GHR: variants seen among roughly 807,000 people sequenced by gnomAD.
GHR encodes growth hormone receptor.
Under a neutral mutation model 67.1 loss-of-function variants are expected in GHR, and 35 were observed. The observed-to-expected ratio is 0.52, with a 90% CI of 0.40 to 0.69. GHR has a LOEUF of 0.69. Among genes scored for constraint, GHR ranks in the 30% least tolerant of loss-of-function variants. The pLI, the probability that GHR is intolerant of heterozygous loss-of-function variation, is 0.00. For synonymous variants in GHR, 272 were observed against 269.1 expected (o/e 1.01, Z -0.10); for missense variants, 792 against 764.6 (o/e 1.04, Z -0.42).
In GHR at chr5:42,590,657, TAA is replaced by T. The variant is rs138105437; in HGVS notation, c.70+24715_70+24716del. On this transcript the variant is annotated intron_variant, in intron 2 of 9. Coordinates refer to ENST00000230882, the MANE Select transcript of GHR (RefSeq NM_000163.5). ...AACCAGTTATCCAGTTTTTGCCACT[TAA>T]ACTCTGCTGTGAGAAATGTGACTGT... 3.4e-3 allele frequency among the ~76,000 whole-genome samples: 524 copies of T among 152,344 alleles called. 4 individuals carry two copies. Among genetic ancestry groups the T allele is most frequent in the African/African-American group, 0.012 (513 of 41,586 alleles).
chr5:42,707,995 T>C (rs1173697021), intron 6 of GHR, among the ~76,000 whole-genome samples: 1 of 152,132 alleles, frequency 6.6e-6, no homozygotes, highest in Non-Finnish European at 1.5e-5. Context: ...AGTTTTATAC[T>C]TTCATATGTT....
rs1491515652 is a variant in GHR at position 42,718,331 on chromosome 5, TTA to T, written c.946-118_946-117del. 67 of 808,620 alleles carry T rather than the reference TTA, an allele frequency of 8.3e-5. No individual in the cohort carries two copies. In the Admixed American group the frequency reaches 1.0e-3, roughly 12 times the overall value. 50.1% of individuals were successfully genotyped at this position (808,620 alleles called of 1,614,324 possible). A position where few individuals can be genotyped will look rare whatever the true frequency, so the allele number is the denominator to read the frequency against. On this transcript the variant is annotated intron_variant, in intron 9 of 9. Coordinates refer to ENST00000230882, the MANE Select transcript of GHR (RefSeq NM_000163.5). ...AAGTTACACACTAATTTATGTTTTT[TTA>T]TATGTTTTGTTACTGTTGTTCTTAT...
At chr5:42,671,684 C>T (rs1365006735) in intron 3 of GHR, among the ~76,000 whole-genome samples, 2 of 149,778 alleles carry the variant, frequency 1.3e-5, no homozygotes, top group African/African-American at 2.4e-5. Flanking sequence ...CGGCCGGGCG[C>T]GGTGGCTCAC....
intron 1 of GHR, among the ~76,000 whole-genome samples, chr5:42,523,936 TA>T: frequency 6.6e-6 from 1 of 152,266 alleles, no homozygotes; most frequent in East Asian, 1.9e-4. Flanking sequence ...CACCACCATG[TA>T]AAAAGGGCCT....
Position 42,719,437 on chromosome 5 carries a change from T to G in GHR, c.*13T>G, listed in dbSNP as rs751855926. 2.5e-6 allele frequency: 4 copies of G among 1,609,318 alleles called. No homozygotes were observed. The East Asian group carries it at 6.7e-5, about 27-fold the overall frequency. On this transcript the variant is annotated 3_prime_UTR_variant, in exon 10 of 10. Transcript: ENST00000230882. The stretch of plus-strand genomic sequence containing the variant: ...AATCATGCCTTAGCCTTTCTTTGGT[T>G]TCCCAAGAGCTACGTATTTAATAGC...
chr5:42,451,742 TTCC>T, intron 1 of GHR, among the ~76,000 whole-genome samples: 1 of 152,090 alleles, frequency 6.6e-6, no homozygotes, highest in Admixed American at 6.6e-5. Context: ...CACTTTTAGT[TTCC>T]ATTTGTGTGA....
chr5:42,486,433 A>G lies in GHR; in HGVS notation c.-12+62478A>G, dbSNP rs576132446. Among the ~76,000 whole-genome samples the G allele has an allele frequency of 2.6e-5, 4 of 152,354 alleles. No individual in the cohort carries two copies. The South Asian group carries it at 6.2e-4, about 24-fold the overall frequency. On this transcript the variant is annotated intron_variant, in intron 1 of 9. Transcript: ENST00000230882. ...TTCTCAGTTGTACTATTTAAGATACATCTAATGATTGTAAGCAAAATTATT... is the reference window on the plus strand; with the variant it reads ...TTCTCAGTTGTACTATTTAAGATACGTCTAATGATTGTAAGCAAAATTATT...
chr5:42,617,209 A>G (rs1031099133), intron 2 of GHR, among the ~76,000 whole-genome samples: 8 of 151,770 alleles, frequency 5.3e-5, no homozygotes, highest in African/African-American at 1.9e-4. Flanking sequence ...TCTGGCTTCT[A>G]TAGATCCCCT....
chr5:42,499,352 T>G (rs1746443594), intron 1 of GHR, among the ~76,000 whole-genome samples: 1 of 152,208 alleles, frequency 6.6e-6, no homozygotes, highest in Non-Finnish European at 1.5e-5. Flanking sequence ...GCTTTTATCT[T>G]CCAGTCACCA....
intron 1 of GHR, among the ~76,000 whole-genome samples, chr5:42,428,861 A>G (rs1370260500): frequency 6.6e-6 from 1 of 152,128 alleles, no homozygotes; most frequent in Non-Finnish European, 1.5e-5. Flanking sequence ...GGAAGTTCCA[A>G]ACTTTCCCAC....
At chr5:42,693,048 C>A (rs1217743967) in intron 4 of GHR, among the ~76,000 whole-genome samples, 1 of 151,510 alleles carries the variant, frequency 6.6e-6, no homozygotes, top group Non-Finnish European at 1.5e-5. Flanking sequence ...CACATACTTA[C>A]ACACACACAC....
At chr5:42,594,211 C>A (rs1751945683) in intron 2 of GHR, among the ~76,000 whole-genome samples, 1 of 152,186 alleles carries the variant, frequency 6.6e-6, no homozygotes, top group South Asian at 2.1e-4. Context: ...AATGTGACCC[C>A]TTTTAGTATC....
chr5:42,619,087 C>T (rs1187877950), intron 2 of GHR, among the ~76,000 whole-genome samples: 2 of 152,012 alleles, frequency 1.3e-5, no homozygotes, highest in Non-Finnish European at 2.9e-5. Flanking sequence ...AGGACCCATC[C>T]CCAAGACCTC....
At chr5:42,507,693 C>T (rs997563913) in intron 1 of GHR, among the ~76,000 whole-genome samples, 1 of 152,210 alleles carries the variant, frequency 6.6e-6, no homozygotes, top group African/African-American at 2.4e-5. Flanking sequence ...GCTATTATCT[C>T]TTCTGGACCT....
At chr5:42,495,181 C>T (rs906688811) in intron 1 of GHR, among the ~76,000 whole-genome samples, 1 of 151,646 alleles carries the variant, frequency 6.6e-6, no homozygotes, top group Non-Finnish European at 1.5e-5. Context: ...AAGAGAGCAG[C>T]AAATAATAGC....
intron 1 of GHR, among the ~76,000 whole-genome samples, chr5:42,563,521 G>A (rs1244110467): frequency 6.6e-6 from 1 of 151,206 alleles, no homozygotes; most frequent in African/African-American, 2.4e-5. Flanking sequence ...GGGAGGCTGA[G>A]GCAGGAGAAT....
chr5:42,630,186 A>T lies in GHR; in HGVS notation c.136+1083A>T, dbSNP rs1461702145. On this transcript the variant is annotated intron_variant, in intron 3 of 9. Coordinates refer to ENST00000230882, the MANE Select transcript of GHR (RefSeq NM_000163.5). ...CTCACCAGATTGTGTGGACTGCATG[A>T]ATGAATTAATTCTATTGAACTTTAA... 6.8e-5 allele frequency among the ~76,000 whole-genome samples: 9 copies of T among 132,676 alleles called. 3 individuals carry two copies. The highest frequency in any genetic ancestry group is 2.2e-4 in the African/African-American group (7 of 31,514). 87.0% of individuals were successfully genotyped at this position (132,676 alleles called of 152,430 possible).
chr5:42,662,747 A>G (rs1413351097), intron 3 of GHR, among the ~76,000 whole-genome samples: 3 of 152,238 alleles, frequency 2.0e-5, no homozygotes, highest in Non-Finnish European at 4.4e-5. Context: ...GCAAGAAATA[A>G]CTAAGATCAG....
intron 8 of GHR, among the ~76,000 whole-genome samples, chr5:42,717,707 G>C (rs936676934): frequency 4.6e-4 from 70 of 152,200 alleles, no homozygotes; most frequent in African/African-American, 1.6e-3. Context: ...AGCTGAAATG[G>C]AAATCAGCTT....
Sources: allele counts gnomAD v4.1 joint callset (sites outside exome capture counted in the v4.1 genomes callset), GRCh38; gene constraint gnomAD v4.1.1; transcripts MANE v1.5; gene names NCBI Gene and HGNC (gene_info 2026-07-23, HGNC 2026-07-21).